TBL1X: variants seen among roughly 807,000 people sequenced by gnomAD.
TBL1X encodes transducin beta like 1 X-linked, also known as F-box-like/WD repeat-containing protein TBL1X.
In TBL1X, 10 loss-of-function variants were observed where a neutral mutation model predicts 50.7. The observed-to-expected ratio is 0.20, with a 90% confidence interval of 0.12 to 0.33. The LOEUF (loss-of-function observed/expected upper bound fraction) is 0.33, where lower values mean the gene tolerates loss of function less well. TBL1X is among the 10% of genes least tolerant of loss of function. The pLI is 1.00. For synonymous variants in TBL1X, 190 were observed against 214.7 expected (o/e 0.88, Z 1.01); for missense variants, 340 against 504.4 (o/e 0.67, Z 3.12).
chrX:9,664,561 T>C (rs959933330), intron 5 of TBL1X, among the ~76,000 whole-genome samples: 1 of 111,077 alleles, frequency 9.0e-6, no homozygotes, highest in Non-Finnish European at 1.9e-5. Flanking sequence ...GGCTGCATTT[T>C]TACTGGGGGA....
At position 9,697,434 on chromosome X, in the gene TBL1X, G is replaced by GTTT. The variant is rs777283126; in HGVS notation, c.1114+9_1114+11dup. On this transcript the variant is annotated splice_donor_region_variant and intron_variant, in intron 12 of 17. Transcript: ENST00000645353. ...AGCAGTTTCCTTTTCATTCAGGTGA[G>GTTT]TTTTTTGTTGTTGTTGTTGTTGTTT... 2 of 1,202,546 alleles carry GTTT rather than the reference G, an allele frequency of 1.7e-6. No homozygotes were observed. Among genetic ancestry groups the GTTT allele is most frequent in the East Asian group, 3.0e-5 (1 of 33,802 alleles).
At chrX:9,639,295 A>T (rs1017203108) in intron 2 of TBL1X, among the ~76,000 whole-genome samples, 8 of 110,974 alleles carry the variant, frequency 7.2e-5, no homozygotes, top group Admixed American at 1.9e-4. Flanking sequence ...TCATAGCTTC[A>T]CTTGTGGACT....
At position 9,465,434 on chromosome X, in the gene TBL1X, C is replaced by G. The variant is rs1326959098; in HGVS notation, c.-214C>G. 9.0e-6 allele frequency: 1 copy of G among 111,231 alleles called. No homozygotes were observed. Among genetic ancestry groups the G allele is most frequent in the East Asian group, 2.9e-4 (1 of 3,459 alleles). 9.2% of individuals were successfully genotyped at this position (111,231 alleles called of 1,213,427 possible). On this transcript the variant is annotated 5_prime_UTR_variant, in exon 1 of 18. Transcript: ENST00000645353. ...GCGCGCGGCGCCGCCACAAGTTGCG[C>G]TGCTCGCGACGAGGTGAGTGCGCAG...
intron 12 of TBL1X, among the ~76,000 whole-genome samples, chrX:9,702,853 C>T (rs2083183201): frequency 9.0e-6 from 1 of 111,534 alleles, no homozygotes; most frequent in African/African-American, 3.3e-5. Context: ...TTGCCCTAAC[C>T]CTGCTGCCTC....
At chrX:9,546,334 G>A (rs2082241975) in intron 2 of TBL1X, among the ~76,000 whole-genome samples, 1 of 111,752 alleles carries the variant, frequency 8.9e-6, no homozygotes. Flanking sequence ...CTAACACAGT[G>A]AAACCCCATT....
chrX:9,604,196 G>A (rs2082570870), intron 2 of TBL1X, among the ~76,000 whole-genome samples: 1 of 111,559 alleles, frequency 9.0e-6, no homozygotes, highest in Non-Finnish European at 1.9e-5. Context: ...CAGGCCCACT[G>A]GCCATTAGAC....
chrX:9,627,697 G>T (rs2082699571), intron 2 of TBL1X, among the ~76,000 whole-genome samples: 3 of 112,281 alleles, frequency 2.7e-5, no homozygotes, highest in Non-Finnish European at 3.8e-5. Context: ...GCAGAAGTAA[G>T]TTACTACTCC....
intron 2 of TBL1X, among the ~76,000 whole-genome samples, chrX:9,517,485 A>G (rs1290840794): frequency 9.0e-6 from 1 of 111,623 alleles, no homozygotes; most frequent in African/African-American, 3.3e-5. Flanking sequence ...CCCTAGGTGC[A>G]TTCAAGCCAG....
chrX:9,491,328 ATATATATATATTTTT>A lies in TBL1X; in HGVS notation c.-200-10450_-200-10436del, dbSNP rs1358696905. ...TATTTATATATATATATATATATAT[ATATATATATATTTTT>A]TTTTTTTTTTTCTTTGAGACAGAGT... is the stretch of plus-strand genomic sequence containing the variant. On this transcript the variant is annotated intron_variant, in intron 1 of 17. Coordinates refer to ENST00000645353, the MANE Select transcript of TBL1X (RefSeq NM_005647.4). Among the ~76,000 whole-genome samples, 141 of 23,218 alleles carry A rather than the reference ATATATATATATTTTT, an allele frequency of 6.1e-3. 2 individuals are homozygous for A. The highest frequency in any genetic ancestry group is 0.017 in the African/African-American group (108 of 6,232). 20.2% of individuals were successfully genotyped at this position (23,218 alleles called of 115,157 possible).
Position 9,716,240 on chromosome X carries a change from G to T in TBL1X, c.1728G>T (p.Arg576=). The T allele has an allele frequency of 8.3e-7, 1 of 1,209,894 alleles. No individual in the cohort carries two copies. The highest frequency in any genetic ancestry group is 1.1e-6 in the Non-Finnish European group (1 of 894,155). The change falls in exon 18 of 18, where the codon CGG becomes CGT. Residue 576 remains arginine, a synonymous_variant. Coordinates refer to ENST00000645353, the MANE Select transcript of TBL1X (RefSeq NM_005647.4). ...SDGSVCVLDL[R]K ...TCCAGGTGTGTGTTTTGGATCTGCG[G>T]AAGTAACCACAAAATATTATCGAAA...
At chrX:9,546,970 T>C (rs987351163) in intron 2 of TBL1X, among the ~76,000 whole-genome samples, 9 of 104,118 alleles carry the variant, frequency 8.6e-5, no homozygotes, top group Admixed American at 2.0e-4. Flanking sequence ...AGGCGCCCGC[T>C]ACCACGCCCG....
intron 2 of TBL1X, among the ~76,000 whole-genome samples, chrX:9,617,084 G>A (rs1472050212): frequency 8.9e-6 from 1 of 111,998 alleles, no homozygotes; most frequent in Non-Finnish European, 1.9e-5. Flanking sequence ...GGAATGGTGA[G>A]ATAGTGTGAA....
chrX:9,709,286 G>A lies in TBL1X; in HGVS notation c.1275G>A (p.Met425Ile), dbSNP rs372676576. ...CCATCAAATGGGATCCGTCTGGAAT[G>A]TTGCTGGCATCCTGCTCGGATGACA... The part of the protein sequence containing the change: ...VNAIKWDPSG[M>I]LLASCSDDMT... Residue 425 changes from methionine to isoleucine, a missense_variant, in exon 14 of 18, where the codon ATG (methionine) becomes ATA (isoleucine). Coordinates refer to ENST00000645353, the MANE Select transcript of TBL1X (RefSeq NM_005647.4). The A allele has an allele frequency of 9.1e-6, 11 of 1,210,248 alleles. No individual in the cohort carries two copies. In the African/African-American group the frequency reaches 1.7e-4, roughly 19 times the overall value.
intron 2 of TBL1X, among the ~76,000 whole-genome samples, chrX:9,622,416 G>A: frequency 9.0e-6 from 1 of 111,144 alleles, no homozygotes; most frequent in Middle Eastern, 4.7e-3. Flanking sequence ...TTCACTTAGT[G>A]TAGCGTCTTC....
chrX:9,467,345 G>A (rs1329582734), intron 1 of TBL1X, among the ~76,000 whole-genome samples: 1 of 111,759 alleles, frequency 8.9e-6, no homozygotes, highest in Admixed American at 9.4e-5. Context: ...CCCCCTCCCA[G>A]TTTTCTGCAG....
At chrX:9,546,357 A>G (rs893037594) in intron 2 of TBL1X, among the ~76,000 whole-genome samples, 1 of 111,664 alleles carries the variant, frequency 9.0e-6, no homozygotes, top group East Asian at 2.8e-4. Context: ...TACTAAAAGT[A>G]CAAAAAATTA....
rs374634725 is a variant in TBL1X, at chrX:9,713,901, G to A, written c.1606-1001G>A. ...GATTTGGGACAGCCCTCCTGGTCTC[G>A]GTGTTCAGATTTCTCCTGCCTGTCA... On this transcript the variant is annotated intron_variant, in intron 16 of 17. Transcript: ENST00000645353. Among the ~76,000 whole-genome samples the A allele has an allele frequency of 8.1e-5, 9 of 111,092 alleles. No individual in the cohort carries two copies. The East Asian group carries it at 8.4e-4, about 10-fold the overall frequency.
At chrX:9,648,607 T>C (rs181309922) in intron 3 of TBL1X, among the ~76,000 whole-genome samples, 5 of 112,355 alleles carry the variant, frequency 4.5e-5, no homozygotes, top group Admixed American at 3.7e-4. Context: ...ATTTAACTTT[T>C]CTTCCAAAAC....
intron 8 of TBL1X, 73 bp downstream of exon 8, chrX:9,691,784 A>G: frequency 5.2e-6 from 6 of 1,159,118 alleles, no homozygotes; most frequent in Non-Finnish European, 7.0e-6. Context: ...CCTTCTCTGG[A>G]GTTCTGCCTA....
Sources: allele counts gnomAD v4.1 joint callset (sites outside exome capture counted in the v4.1 genomes callset), GRCh38; gene constraint gnomAD v4.1.1; transcripts MANE v1.5; gene names NCBI Gene and HGNC (gene_info 2026-07-23, HGNC 2026-07-21).